LYPLAL1: variants seen among roughly 807,000 people sequenced by gnomAD.
The protein encoded by LYPLAL1 is lysophospholipase-like protein 1.
Under a neutral mutation model 19.7 loss-of-function variants are expected in LYPLAL1, and 23 were observed. The ratio of observed to expected loss-of-function variants is 1.17; its 90% CI spans 0.84 to 1.65. The LOEUF (loss-of-function observed/expected upper bound fraction) is 1.65. Ranked by LOEUF, LYPLAL1 falls within the 40% of genes most tolerant of loss-of-function variation. LYPLAL1 has a pLI of 0.00. For synonymous variants in LYPLAL1, 119 were observed against 96.3 expected (o/e 1.24, Z -1.38); for missense variants, 355 against 279.4 (o/e 1.27, Z -1.93).
chr1:219,206,784 T>C (rs1658605725), intron 3 of LYPLAL1, among the ~76,000 whole-genome samples: 1 of 151,586 alleles, frequency 6.6e-6, no homozygotes. Flanking sequence ...GTGATTACAT[T>C]CCCTGGTCAA....
chr1:219,227,159 A>G, the LYPLAL1 span, among the ~76,000 whole-genome samples: 2 of 152,240 alleles, frequency 1.3e-5, no homozygotes, highest in Admixed American at 1.3e-4. Context: ...ATTATTGTAA[A>G]TGCTGAGAGA....
At chr1:219,239,809 T>C in the LYPLAL1 span, among the ~76,000 whole-genome samples, 1 of 152,232 alleles carries the variant, frequency 6.6e-6, no homozygotes, top group Non-Finnish European at 1.5e-5. Flanking sequence ...GCATTTTCCT[T>C]ACAGACATTT....
At chr1:219,351,365 G>C in the LYPLAL1 span, among the ~76,000 whole-genome samples, 9 of 152,040 alleles carry the variant, frequency 5.9e-5, no homozygotes, top group African/African-American at 1.7e-4. Context: ...AGAGGAAAGG[G>C]AATAATAGAG....
the LYPLAL1 span, among the ~76,000 whole-genome samples, chr1:219,434,407 C>T: frequency 2.0e-5 from 3 of 152,166 alleles, no homozygotes; most frequent in African/African-American, 7.2e-5. Context: ...AACGGATTAA[C>T]TTAAGGCTTA....
the LYPLAL1 span, among the ~76,000 whole-genome samples, chr1:219,404,849 A>G: frequency 8.5e-5 from 13 of 152,346 alleles, no homozygotes; most frequent in Admixed American, 7.8e-4. Context: ...TTTGCTCATT[A>G]CACATTTTTC....
At chr1:219,175,824 G>A (rs1387485366) in intron 1 of LYPLAL1, among the ~76,000 whole-genome samples, 2 of 152,180 alleles carry the variant, frequency 1.3e-5, no homozygotes, top group Admixed American at 1.3e-4. Flanking sequence ...AATGTATGTG[G>A]TTATGTTATA....
At chr1:219,189,481 T>C (rs1167970107) in intron 2 of LYPLAL1, among the ~76,000 whole-genome samples, 1 of 151,590 alleles carries the variant, frequency 6.6e-6, no homozygotes, top group African/African-American at 2.4e-5. Flanking sequence ...CAAAACTAGT[T>C]AAGAAGCTAG....
At chr1:219,243,255 A>C in the LYPLAL1 span, among the ~76,000 whole-genome samples, 1 of 152,224 alleles carries the variant, frequency 6.6e-6, no homozygotes, top group Non-Finnish European at 1.5e-5. Context: ...GAATTGAAGA[A>C]ATAGAAACCA....
chr1:219,222,753 A>G, the LYPLAL1 span: 1 of 152,152 alleles, frequency 6.6e-6, no homozygotes, highest in Non-Finnish European at 1.5e-5. Context: ...ACAAAATACC[A>G]TAGAATCATT....
At chr1:219,305,602 C>T in the LYPLAL1 span, among the ~76,000 whole-genome samples, 1 of 152,118 alleles carries the variant, frequency 6.6e-6, no homozygotes, top group African/African-American at 2.4e-5. Flanking sequence ...ATGCACGCAA[C>T]TTGATTGAAC....
At chr1:219,423,686 T>C in the LYPLAL1 span, among the ~76,000 whole-genome samples, 1 of 152,138 alleles carries the variant, frequency 6.6e-6, no homozygotes, top group Admixed American at 6.6e-5. Flanking sequence ...GAATATTCTT[T>C]AATTAGAACC....
chr1:219,261,211 G>C, the LYPLAL1 span, among the ~76,000 whole-genome samples: 1 of 152,108 alleles, frequency 6.6e-6, no homozygotes, highest in African/African-American at 2.4e-5. Flanking sequence ...ATTTTTATAT[G>C]GTTATTGAAA....
the LYPLAL1 span, among the ~76,000 whole-genome samples, chr1:219,289,699 A>G: frequency 6.6e-6 from 1 of 152,286 alleles, no homozygotes; most frequent in African/African-American, 2.4e-5. Context: ...AGCTGCTGGT[A>G]TTGTCAAACA....
the LYPLAL1 span, among the ~76,000 whole-genome samples, chr1:219,414,499 A>G: frequency 6.6e-6 from 1 of 152,214 alleles, no homozygotes; most frequent in Non-Finnish European, 1.5e-5. Flanking sequence ...TAGTTTAGTC[A>G]ACTGTAACAT....
At chr1:219,444,661 C>T in the LYPLAL1 span, among the ~76,000 whole-genome samples, 4 of 152,274 alleles carry the variant, frequency 2.6e-5, no homozygotes, top group South Asian at 6.2e-4. Context: ...ATTGTGCTTA[C>T]GGACGCCATA....
At chr1:219,244,274 G>A in the LYPLAL1 span, among the ~76,000 whole-genome samples, 231 of 152,316 alleles carry the variant, frequency 1.5e-3, no homozygotes, top group Non-Finnish European at 2.6e-3. Context: ...GAAAGGCACA[G>A]GGAAGTGAAA....
chr1:219,325,213 TACTC>T, the LYPLAL1 span, among the ~76,000 whole-genome samples: 1 of 152,192 alleles, frequency 6.6e-6, no homozygotes, highest in Admixed American at 6.5e-5. Context: ...TGTCTTTAAT[TACTC>T]ACCTCTTTCC....
chr1:219,369,222 G>GA, the LYPLAL1 span, among the ~76,000 whole-genome samples: 5 of 152,136 alleles, frequency 3.3e-5, no homozygotes, highest in African/African-American at 1.2e-4. Context: ...TAAAATGAAG[G>GA]AAAAAAGTAG....
the LYPLAL1 span, among the ~76,000 whole-genome samples, chr1:219,259,340 G>T: frequency 6.6e-6 from 1 of 150,400 alleles, no homozygotes; most frequent in South Asian, 2.1e-4. Flanking sequence ...ATTCACAATT[G>T]CAAAAATGTA....
Sources: gnomAD v4.1 joint callset for allele counts (sites outside exome capture counted in the v4.1 genomes callset) on GRCh38, gnomAD v4.1.1 for gene constraint, MANE v1.5 for transcripts, NCBI Gene and HGNC (gene_info 2026-07-23, HGNC 2026-07-21) for gene names.